Variants in DOCK3 observed in about 807,000 individuals in gnomAD.
DOCK3 encodes dedicator of cytokinesis protein 3.
DOCK3 carries 60 observed loss-of-function variants against 265.6 expected under a neutral mutation model. The ratio of observed to expected loss-of-function variants is 0.23; its 90% CI spans 0.18 to 0.28. The LOEUF is 0.28. Among genes scored for constraint, DOCK3 ranks in the 10% least tolerant of loss-of-function variants. The pLI is 1.00. For synonymous variants in DOCK3, 881 were observed against 938.0 expected, an observed-to-expected ratio of 0.94 and a Z score of 1.11; for missense variants, 1,981 against 2,594.3, an observed-to-expected ratio of 0.76 and a Z score of 5.14.
At chr3:50,980,030 T>C (rs2077632538) in intron 5 of DOCK3, among the ~76,000 whole-genome samples, 1 of 152,242 alleles carries the variant, frequency 6.6e-6, no homozygotes, top group South Asian at 2.1e-4. Flanking sequence ...CTGTGTCTTG[T>C]TCCAGTTCTT....
At chr3:50,779,440 A>G (rs1020140778) in intron 2 of DOCK3, among the ~76,000 whole-genome samples, 18 of 151,942 alleles carry the variant, frequency 1.2e-4, no homozygotes, top group African/African-American at 3.9e-4. Context: ...CTGGAGCGCA[A>G]TGGTGCGATC....
intron 2 of DOCK3, among the ~76,000 whole-genome samples, chr3:50,828,773 G>A (rs1282603019): frequency 6.6e-6 from 1 of 151,414 alleles, no homozygotes; most frequent in East Asian, 2.0e-4. Flanking sequence ...GAGTGCAATG[G>A]TGCCATCTCG....
At chr3:50,940,064 CAT>C (rs1491489209) in intron 5 of DOCK3, among the ~76,000 whole-genome samples, 2 of 152,076 alleles carry the variant, frequency 1.3e-5, no homozygotes, top group African/African-American at 4.8e-5. Context: ...CAGACACACA[CAT>C]ACACACACAA....
intron 12 of DOCK3, among the ~76,000 whole-genome samples, chr3:51,201,351 CA>C (rs1192110074): frequency 2.0e-5 from 3 of 150,928 alleles, no homozygotes; most frequent in African/African-American, 7.3e-5. Context: ...AAATGGAAAA[CA>C]AAAAAAGGAA....
At chr3:51,183,900 G>A (rs2087443466) in intron 12 of DOCK3, among the ~76,000 whole-genome samples, 1 of 152,102 alleles carries the variant, frequency 6.6e-6, no homozygotes, top group South Asian at 2.1e-4. Context: ...ACATACATTA[G>A]TATACATACA....
At chr3:50,959,913 A>G (rs1244740435) in intron 5 of DOCK3, among the ~76,000 whole-genome samples, 2 of 152,150 alleles carry the variant, frequency 1.3e-5, no homozygotes, top group Non-Finnish European at 2.9e-5. Context: ...TCCACATGTA[A>G]GTGATTTCAT....
chr3:51,063,440 C>A (rs1211586330), intron 5 of DOCK3, among the ~76,000 whole-genome samples: 1 of 152,172 alleles, frequency 6.6e-6, no homozygotes, highest in Non-Finnish European at 1.5e-5. Flanking sequence ...ACTGCCACCT[C>A]AAAACACTAC....
chr3:51,332,892 AC>A (rs1560452423), intron 33 of DOCK3, 108 bp from the exon 34 acceptor site: 2 of 1,440,042 alleles, frequency 1.4e-6, no homozygotes, highest in Non-Finnish European at 1.9e-6. Flanking sequence ...CCCTCCCCCC[AC>A]CTCAGTGGCA....
chr3:50,759,811 T>C (rs1228399877), intron 1 of DOCK3, among the ~76,000 whole-genome samples: 1 of 150,656 alleles, frequency 6.6e-6, no homozygotes, highest in African/African-American at 2.4e-5. Context: ...TAAGCTGTAA[T>C]CATGCCACTG....
At chr3:51,321,410 A>G (rs1336968092) in intron 32 of DOCK3, among the ~76,000 whole-genome samples, 1 of 152,200 alleles carries the variant, frequency 6.6e-6, no homozygotes, top group East Asian at 1.9e-4. Flanking sequence ...AAAAACCAGA[A>G]TGCCTCTTCT....
At chr3:51,303,345 G>T (rs1266466226) in intron 27 of DOCK3, among the ~76,000 whole-genome samples, 1 of 152,148 alleles carries the variant, frequency 6.6e-6, no homozygotes, top group African/African-American at 2.4e-5. Flanking sequence ...TCTTTGCATT[G>T]AGTTAGAACA....
At chr3:51,249,408 CGTCCGGG>C (rs2079053630) in intron 22 of DOCK3, among the ~76,000 whole-genome samples, 2 of 124,692 alleles carry the variant, frequency 1.6e-5, no homozygotes, top group African/African-American at 3.1e-5. Context: ...CCAGCCGCCC[CGTCCGGG>C]AGGTGAGGGG....
intron 33 of DOCK3, among the ~76,000 whole-genome samples, 198 bp from the exon 34 acceptor site, chr3:51,332,803 A>G (rs573250640): frequency 2.6e-5 from 4 of 152,202 alleles, no homozygotes; most frequent in Non-Finnish European, 4.4e-5. Context: ...ACTGCTTCAG[A>G]ACAGACCTCA....
Position 51,341,377 on chromosome 3 carries a change from A to C in DOCK3, c.3907A>C (p.Lys1303Gln), listed in dbSNP as rs2085230621. The C allele has an allele frequency of 6.2e-7, 1 of 1,613,726 alleles. No homozygotes were observed. ...LCRKIIHYFN[K>Q]GKSWEFGIPL... Reference sequence around the variant, plus strand: ...CCGGAAGATCATTCACTACTTCAACAAAGGCAAGGTATGCATCATTAGGCA... The same window carrying C: ...CCGGAAGATCATTCACTACTTCAACCAAGGCAAGGTATGCATCATTAGGCA... Residue 1303 changes from lysine to glutamine, a missense_variant, in exon 38 of 53, where the codon AAA (lysine) becomes CAA (glutamine). Lys to Gln is a moderately conservative substitution (Grantham distance 53). Coordinates refer to ENST00000266037, the MANE Select transcript of DOCK3 (RefSeq NM_004947.5).
At chr3:50,948,401 C>CTTTTTTTT (rs59584829) in intron 5 of DOCK3, among the ~76,000 whole-genome samples, 4 of 98,648 alleles carry the variant, frequency 4.1e-5, no homozygotes, top group Admixed American at 2.7e-4. Flanking sequence ...AAGTTTTAAT[C>CTTTTTTTT]TTTTTTTTTT....
At chr3:50,971,579 A>C (rs180965895) in intron 5 of DOCK3, among the ~76,000 whole-genome samples, 2 of 152,308 alleles carry the variant, frequency 1.3e-5, no homozygotes, top group East Asian at 3.9e-4. Context: ...GGTGCTGTGC[A>C]CTTGTGTCAG....
intron 5 of DOCK3, among the ~76,000 whole-genome samples, chr3:50,970,927 A>C (rs2077198211): frequency 2.8e-5 from 2 of 70,444 alleles, no homozygotes; most frequent in Non-Finnish European, 5.4e-5. Context: ...ATATATATAT[A>C]TATATATATA....
chr3:50,920,517 T>C (rs1225036086), intron 4 of DOCK3, among the ~76,000 whole-genome samples: 1 of 152,192 alleles, frequency 6.6e-6, no homozygotes, highest in African/African-American at 2.4e-5. Context: ...TTCTTCTAGA[T>C]TTTCTAGTTT....
At chr3:50,971,138 A>T (rs980480730) in intron 5 of DOCK3, among the ~76,000 whole-genome samples, 1 of 150,046 alleles carries the variant, frequency 6.7e-6, no homozygotes, top group Non-Finnish European at 1.5e-5. Flanking sequence ...CCCCACTGAG[A>T]TTATTTAAAA....
Sources: allele counts gnomAD v4.1 joint callset (sites outside exome capture counted in the v4.1 genomes callset), GRCh38; gene constraint gnomAD v4.1.1; transcripts MANE v1.5; gene names NCBI Gene and HGNC (gene_info 2026-07-23, HGNC 2026-07-21).